The following TJP1 variants were observed in gnomAD, a reference collection of about 807,000 sequenced individuals.
The protein encoded by TJP1 is tight junction protein ZO-1.
TJP1 carries 43 observed loss-of-function variants against 194.2 expected under a neutral mutation model. That is an observed-to-expected ratio of 0.22 (90% CI 0.17 to 0.29). The LOEUF (loss-of-function observed/expected upper bound fraction) is 0.29, where lower values mean the gene tolerates loss of function less well. TJP1 is among the 10% of genes least tolerant of loss of function. The pLI, the probability that TJP1 is intolerant of heterozygous loss-of-function variation, is 1.00. For missense variants in TJP1, 1,971 were observed against 2,185.7 expected (o/e 0.90, Z 1.96); for synonymous variants, 801 against 779.0 (o/e 1.03, Z -0.47).
chr15:29,904,784 T>A (rs2053752751), intron 2 of TJP1, among the ~76,000 whole-genome samples: 2 of 151,952 alleles, frequency 1.3e-5, no homozygotes, highest in South Asian at 4.1e-4. Context: ...TAAGATGGGG[T>A]CAGATGGGAT....
chr15:29,738,399 G>C (rs1170721280), intron 10 of TJP1, among the ~76,000 whole-genome samples: 1 of 152,190 alleles, frequency 6.6e-6, no homozygotes. Context: ...AATGAAATGT[G>C]TTGAGGAAGG....
intron 2 of TJP1, among the ~76,000 whole-genome samples, chr15:29,856,773 AC>A (rs2152093534): frequency 6.6e-6 from 1 of 151,808 alleles, no homozygotes; most frequent in East Asian, 1.9e-4. Context: ...GGAGATCGAG[AC>A]CATCCTGGCT....
intron 2 of TJP1, among the ~76,000 whole-genome samples, chr15:29,908,999 A>G (rs982724752): frequency 1.3e-5 from 2 of 151,080 alleles, no homozygotes; most frequent in Admixed American, 1.3e-4. Context: ...CCAAAAATAC[A>G]AAAAAAAATT....
intron 2 of TJP1, among the ~76,000 whole-genome samples, chr15:29,945,633 T>G (rs1488170730): frequency 2.0e-5 from 3 of 151,824 alleles, no homozygotes; most frequent in African/African-American, 7.3e-5. Flanking sequence ...GAGCCAAGAG[T>G]AAGTTTGACA....
At chr15:29,837,638 T>C (rs1338751566) in intron 2 of TJP1, among the ~76,000 whole-genome samples, 1 of 152,248 alleles carries the variant, frequency 6.6e-6, no homozygotes, top group African/African-American at 2.4e-5. Flanking sequence ...TTAACACATA[T>C]AAATGTACGA....
At chr15:29,760,685 T>C (rs1414087896) in intron 8 of TJP1, among the ~76,000 whole-genome samples, 1 of 152,084 alleles carries the variant, frequency 6.6e-6, no homozygotes, top group African/African-American at 2.4e-5. Context: ...CCAACACTAG[T>C]GTATTTTTAA....
At chr15:29,842,689 T>C (rs900709108) in intron 2 of TJP1, among the ~76,000 whole-genome samples, 1 of 152,212 alleles carries the variant, frequency 6.6e-6, no homozygotes, top group African/African-American at 2.4e-5. Context: ...AAGAACCTGC[T>C]GTAAAGGAAG....
intron 2 of TJP1, among the ~76,000 whole-genome samples, chr15:29,929,689 T>G (rs1465032203): frequency 3.9e-5 from 6 of 151,954 alleles, no homozygotes; most frequent in Non-Finnish European, 7.4e-5. Flanking sequence ...AGGGCGAAAC[T>G]CTGTCTCAAA....
chr15:29,903,029 A>C (rs1396186451), intron 2 of TJP1, among the ~76,000 whole-genome samples: 9 of 151,948 alleles, frequency 5.9e-5, no homozygotes, highest in Non-Finnish European at 1.3e-4. Context: ...TTTTGACCTA[A>C]GTGATTACAG....
At chr15:29,872,540 A>C (rs75572393) in intron 2 of TJP1, among the ~76,000 whole-genome samples, 2 of 152,194 alleles carry the variant, frequency 1.3e-5, no homozygotes, top group Non-Finnish European at 2.9e-5. Context: ...TTGAGACTTG[A>C]GATCTTCAGA....
intron 2 of TJP1, 86 bp from the exon 3 acceptor site, chr15:29,773,443 A>G: frequency 4.5e-6 from 6 of 1,332,458 alleles, no homozygotes; most frequent in Non-Finnish European, 6.3e-6. Flanking sequence ...AAGCCAAAAT[A>G]TAAAAATTAC....
intron 2 of TJP1, among the ~76,000 whole-genome samples, chr15:29,862,954 C>T (rs1351900818): frequency 1.3e-5 from 2 of 149,096 alleles, no homozygotes; most frequent in South Asian, 2.3e-4. Context: ...AGCTGGGGAT[C>T]GGTTTTTATA....
chr15:29,733,378 A>G (rs147312726), intron 12 of TJP1, 65 bp from the exon 13 acceptor site: 1 of 1,113,446 alleles, frequency 9.0e-7, no homozygotes, highest in Non-Finnish European at 1.3e-6. Context: ...AAGACAGTAC[A>G]TTATGTAAAG....
chr15:29,704,111 A>T (rs45595236), intron 27 of TJP1, 51 bp downstream of exon 27: 7 of 1,530,506 alleles, frequency 4.6e-6, no homozygotes, highest in Non-Finnish European at 6.2e-6. Flanking sequence ...CCCAGGTATT[A>T]ATCAACGACA....
intron 2 of TJP1, among the ~76,000 whole-genome samples, chr15:29,914,703 T>G (rs531341096): frequency 6.6e-6 from 1 of 152,104 alleles, no homozygotes; most frequent in East Asian, 1.9e-4. Flanking sequence ...TATCTGAGGC[T>G]TCCTAAATGC....
At chr15:29,742,490 G>A (rs1041894913) in intron 9 of TJP1, 152 bp downstream of exon 9, 1 of 770,410 alleles carries the variant, frequency 1.3e-6, no homozygotes. Flanking sequence ...GTGCCAACCT[G>A]CTACCCATAA....
chr15:29,965,279 G>A (rs1311777816), intron 1 of TJP1, among the ~76,000 whole-genome samples: 2 of 151,642 alleles, frequency 1.3e-5, no homozygotes, highest in African/African-American at 4.9e-5. Context: ...GTACAATCTC[G>A]GCTCACTGCA....
intron 24 of TJP1, among the ~76,000 whole-genome samples, chr15:29,709,331 A>G (rs553181488): frequency 6.6e-6 from 1 of 152,324 alleles, no homozygotes; most frequent in South Asian, 2.1e-4. Flanking sequence ...CAATAATCAT[A>G]TAATAAGGAT....
intron 1 of TJP1, among the ~76,000 whole-genome samples, chr15:29,813,090 A>G (rs2049643454): frequency 6.6e-6 from 1 of 152,090 alleles, no homozygotes; most frequent in African/African-American, 2.4e-5. Context: ...AGGCAGACTC[A>G]TTTTTGCCAG....
Sources: allele counts gnomAD v4.1 joint callset (sites outside exome capture counted in the v4.1 genomes callset), GRCh38; gene constraint gnomAD v4.1.1; transcripts MANE v1.5; gene names NCBI Gene and HGNC (gene_info 2026-07-23, HGNC 2026-07-21).